The following ZBTB20 variants were observed in gnomAD, a reference collection of about 807,000 sequenced individuals.
ZBTB20 encodes zinc finger and BTB domain-containing protein 20.
In ZBTB20, 9 loss-of-function variants were observed where a neutral mutation model predicts 56.9. The observed-to-expected ratio is 0.16, with a 90% CI of 0.10 to 0.28. The LOEUF (loss-of-function observed/expected upper bound fraction) is 0.28, where lower values mean the gene tolerates loss of function less well. Among genes scored for constraint, ZBTB20 ranks in the 10% least tolerant of loss-of-function variants. The pLI is 1.00. For synonymous variants in ZBTB20, 417 were observed against 420.7 expected, an observed-to-expected ratio of 0.99 and a Z score of 0.11; for missense variants, 655 against 1,003.0, an observed-to-expected ratio of 0.65 and a Z score of 4.69.
intron 5 of ZBTB20, among the ~76,000 whole-genome samples, chr3:114,733,885 G>A (rs550890066): frequency 2.6e-5 from 4 of 152,086 alleles, no homozygotes; most frequent in South Asian, 4.2e-4. Context: ...TGTACAATAC[G>A]GAATTTTAGG....
intron 6 of ZBTB20, among the ~76,000 whole-genome samples, chr3:114,508,262 C>T (rs1235725158): frequency 6.6e-6 from 1 of 152,126 alleles, no homozygotes; most frequent in Non-Finnish European, 1.5e-5. Flanking sequence ...CAGATAAGGT[C>T]TAACAGGGGT....
intron 5 of ZBTB20, among the ~76,000 whole-genome samples, chr3:114,752,382 G>A (rs1479364109): frequency 6.6e-6 from 1 of 152,108 alleles, no homozygotes; most frequent in Non-Finnish European, 1.5e-5. Flanking sequence ...TCTGAAGACA[G>A]CTGAAATGAG....
At position 114,922,042 on chromosome 3, in the gene ZBTB20, G is replaced by C. The variant is rs527778228; in HGVS notation, c.-455-21700C>G. 3.3e-5 allele frequency among the ~76,000 whole-genome samples: 5 copies of C among 152,216 alleles called. No homozygotes were observed. The South Asian group carries it at 8.3e-4, about 25-fold the overall frequency. Reference sequence around the variant, plus strand: ...GATTTATCTCTGGGATGCAAGGATGGTTCAACATACACAAATCAATAAATG... The same window carrying C: ...GATTTATCTCTGGGATGCAAGGATGCTTCAACATACACAAATCAATAAATG... On this transcript the variant is annotated intron_variant, in intron 3 of 11. Coordinates refer to ENST00000675478, the MANE Select transcript of ZBTB20 (RefSeq NM_001348800.3).
intron 5 of ZBTB20, among the ~76,000 whole-genome samples, chr3:114,711,177 G>C (rs1473188610): frequency 2.0e-5 from 3 of 151,092 alleles, no homozygotes; most frequent in African/African-American, 7.3e-5. Flanking sequence ...TCCTAGATCT[G>C]ATCATTATTT....
At chr3:114,890,540 G>A (rs1006694871) in intron 4 of ZBTB20, among the ~76,000 whole-genome samples, 5 of 152,080 alleles carry the variant, frequency 3.3e-5, no homozygotes, top group African/African-American at 1.2e-4. Context: ...TCATAGGTGG[G>A]AATTGAACAA....
chr3:114,553,246 G>A (rs1202256750), intron 6 of ZBTB20, among the ~76,000 whole-genome samples: 1 of 152,148 alleles, frequency 6.6e-6, no homozygotes, highest in Non-Finnish European at 1.5e-5. Context: ...GGTACACAAA[G>A]TATTAATCAA....
chr3:114,911,051 T>C (rs894088005), intron 3 of ZBTB20, among the ~76,000 whole-genome samples: 2 of 151,932 alleles, frequency 1.3e-5, no homozygotes, highest in African/African-American at 4.8e-5. Flanking sequence ...TGTTCTTCAA[T>C]ACCCTACATG....
chr3:114,351,202 A>G lies in ZBTB20; in HGVS notation c.876T>C (p.His292=). 3 of 1,601,658 alleles carry G rather than the reference A, an allele frequency of 1.9e-6. No homozygotes were observed. The highest frequency in any genetic ancestry group is 2.5e-6 in the Non-Finnish European group (3 of 1,179,608). The stretch of plus-strand genomic sequence containing the variant: ...AGCGCTCCATCTGCTGCGAGCGCTC[A>G]TGGATGCGTGTGATCCAGCTGGGGT... ...MEDPSWITRI[H]ERSQQMERYL... Residue 292 remains histidine, a synonymous_variant, in exon 11 of 12, where the codon CAT becomes CAC. Coordinates refer to ENST00000675478, the MANE Select transcript of ZBTB20 (RefSeq NM_001348800.3).
chr3:115,114,391 TTAC>T (rs766756352), intron 1 of ZBTB20, among the ~76,000 whole-genome samples: 3 of 152,162 alleles, frequency 2.0e-5, no homozygotes, highest in Non-Finnish European at 4.4e-5. Flanking sequence ...ATGGCTGTGC[TTAC>T]TACATCAAAA....
At position 114,941,448 on chromosome 3, in the gene ZBTB20, C is replaced by T. The variant is rs539792943; in HGVS notation, c.-456+32918G>A. 1.0e-4 allele frequency among the ~76,000 whole-genome samples: 15 copies of T among 146,118 alleles called. 4 individuals are homozygous for T. Among genetic ancestry groups the T allele is most frequent in the African/African-American group, 4.2e-4 (15 of 35,990 alleles). On this transcript the variant is annotated intron_variant, in intron 3 of 11. Coordinates refer to ENST00000675478, the MANE Select transcript of ZBTB20 (RefSeq NM_001348800.3). ...AGAATTCATGATTTGCAATGTTTTC[C>T]TAAATTCTGTTAAAACACACTTAGG...
intron 6 of ZBTB20, chr3:114,688,217 G>A (rs1236364281): frequency 1.3e-5 from 2 of 152,230 alleles, no homozygotes; most frequent in African/African-American, 4.8e-5. Context: ...GTGACAAAAT[G>A]AGACTCCATC....
rs182936996 is a variant in ZBTB20 at position 115,134,897 on chromosome 3, G to A, written c.-703+12322C>T. 9.6e-4 allele frequency among the ~76,000 whole-genome samples: 146 copies of A among 152,308 alleles called. 1 individual carries two copies. The highest frequency in any genetic ancestry group is 3.4e-3 in the African/African-American group (140 of 41,560). On this transcript the variant is annotated intron_variant, in intron 1 of 11. Coordinates refer to ENST00000675478, the MANE Select transcript of ZBTB20 (RefSeq NM_001348800.3). ...AAACAGCCTGTCAGTTCCCTGCAAA[G>A]GCACATGGACAAAGAGCTCTGTTGT...
chr3:114,485,701 G>A (rs975826704), intron 7 of ZBTB20, among the ~76,000 whole-genome samples: 2 of 152,118 alleles, frequency 1.3e-5, no homozygotes, highest in African/African-American at 4.8e-5. Flanking sequence ...CCTCATGAAT[G>A]GATTTGTGCC....
intron 4 of ZBTB20, among the ~76,000 whole-genome samples, chr3:114,829,892 C>T (rs935671861): frequency 6.6e-6 from 1 of 151,668 alleles, no homozygotes; most frequent in Non-Finnish European, 1.5e-5. Context: ...TGTTGACTTT[C>T]CTTGAAATTT....
At position 114,956,168 on chromosome 3, in the gene ZBTB20, T is replaced by C. The variant is rs529265628; in HGVS notation, c.-456+18198A>G. 3.3e-5 allele frequency among the ~76,000 whole-genome samples: 5 copies of C among 152,308 alleles called. No individual in the cohort carries two copies. The South Asian group carries it at 1.0e-3, about 32-fold the overall frequency. On this transcript the variant is annotated intron_variant, in intron 3 of 11. Transcript: ENST00000675478. ...TAGGAGCAGGAGCTGAATTGAATGA[T>C]CTTGTTCCCCCAAAATAAACTTCCA...
chr3:114,958,340 A>G (rs185831481), intron 3 of ZBTB20, among the ~76,000 whole-genome samples: 1 of 152,224 alleles, frequency 6.6e-6, no homozygotes, highest in Non-Finnish European at 1.5e-5. Flanking sequence ...TAAACAGTTC[A>G]TAATGCTCCA....
intron 3 of ZBTB20, among the ~76,000 whole-genome samples, chr3:114,912,673 T>A (rs1394801249): frequency 6.6e-6 from 1 of 151,984 alleles, no homozygotes; most frequent in Non-Finnish European, 1.5e-5. Context: ...AGTCACCCTG[T>A]TGGGTGATCA....
chr3:114,798,135 G>A (rs2071446318), intron 5 of ZBTB20, among the ~76,000 whole-genome samples: 1 of 151,546 alleles, frequency 6.6e-6, no homozygotes, highest in East Asian at 1.9e-4. Flanking sequence ...ACACACCCTT[G>A]GGAAGTTTGA....
chr3:114,497,871 G>T (rs1489155183), intron 7 of ZBTB20, among the ~76,000 whole-genome samples: 1 of 152,186 alleles, frequency 6.6e-6, no homozygotes, highest in Non-Finnish European at 1.5e-5. Flanking sequence ...AGTAGTGTTA[G>T]CTTTTATAAG....
Sources: gnomAD v4.1 joint callset for allele counts (sites outside exome capture counted in the v4.1 genomes callset) on GRCh38, gnomAD v4.1.1 for gene constraint, MANE v1.5 for transcripts, NCBI Gene and HGNC (gene_info 2026-07-23, HGNC 2026-07-21) for gene names.